SLC13A1: variants seen among roughly 807,000 people sequenced by gnomAD.
SLC13A1 encodes solute carrier family 13 member 1.
A neutral mutation model predicts 70.0 loss-of-function variants in SLC13A1; 65 were observed. The ratio of observed to expected loss-of-function variants is 0.93; its 90% confidence interval spans 0.76 to 1.14. The LOEUF (loss-of-function observed/expected upper bound fraction) is 1.14. Among genes scored for constraint, SLC13A1 ranks in the 50% most tolerant of loss-of-function variants. The pLI is 0.00. For synonymous variants in SLC13A1, 275 were observed against 250.5 expected, an observed-to-expected ratio of 1.10 and a Z score of -0.92; for missense variants, 726 against 717.8, an observed-to-expected ratio of 1.01 and a Z score of -0.13.
Position 123,169,351 on chromosome 7 carries a change from C to A in SLC13A1, c.366-16G>T. The A allele has an allele frequency of 6.2e-7, 1 of 1,608,666 alleles. No homozygotes were observed. The stretch of plus-strand genomic sequence containing the variant: ...CAGCGTCAGCCTGAAACCAGAGAGC[C>A]ATTATTGTGGAGCTGTGCTCTTAGC... On this transcript the variant is annotated splice_polypyrimidine_tract_variant and intron_variant, in intron 3 of 14. Transcript: ENST00000194130.
chr7:123,152,161 T>C (rs1349901572), intron 6 of SLC13A1, among the ~76,000 whole-genome samples: 1 of 152,156 alleles, frequency 6.6e-6, no homozygotes, highest in East Asian at 1.9e-4. Context: ...AGGAGAGTTC[T>C]GAAATAGGCA....
In SLC13A1 at chr7:123,117,582, A is replaced by C. The variant is rs184864552; in HGVS notation, c.1539T>G (p.Leu513=). The C allele has an allele frequency of 2.4e-4, 393 of 1,611,002 alleles. 2 individuals are homozygous for C. The East Asian group carries it at 8.2e-3, about 34-fold the overall frequency. ...ACAGAGTAGAAGGTATCAGAATATA[A>C]AGAGGGTTCACATGAATGGCTTCGG... ...PLAEAIHVNP[L]YILIPSTLCT... is the part of the protein sequence containing the mutation. The change falls in exon 14 of 15, where the codon CTT becomes CTG. Residue 513 remains leucine, a synonymous_variant. Coordinates refer to ENST00000194130, the MANE Select transcript of SLC13A1 (RefSeq NM_022444.4).
chr7:123,197,444 T>C (rs917720375), intron 1 of SLC13A1, among the ~76,000 whole-genome samples: 1 of 152,138 alleles, frequency 6.6e-6, no homozygotes, highest in Non-Finnish European at 1.5e-5. Flanking sequence ...TAAATTGACT[T>C]GCATTTATGT....
rs1391500898 is a variant in SLC13A1, at chr7:123,129,319, CT to C, written c.1031+63del. ...CTTGCAGTGTAAACAGCATTTCTCT[CT>C]TCTCTGTGTGTGTGTGTGTGTGTGT... On this transcript the variant is annotated intron_variant, in intron 9 of 14. Coordinates refer to ENST00000194130, the MANE Select transcript of SLC13A1 (RefSeq NM_022444.4). The C allele has an allele frequency of 4.3e-6, 5 of 1,174,752 alleles. No individual in the cohort carries two copies. In the Admixed American group the frequency reaches 7.7e-5, roughly 18 times the overall value. The allele number at this position is 1,174,752 out of a possible 1,614,324, so 72.8% of individuals were successfully genotyped here. A position where few individuals can be genotyped will look rare whatever the true frequency, so the allele number is the denominator to read the frequency against.
intron 7 of SLC13A1, 81 bp from the exon 8 acceptor site, chr7:123,134,610 C>T: frequency 7.5e-7 from 1 of 1,329,122 alleles, no homozygotes; most frequent in Non-Finnish European, 1.0e-6. Flanking sequence ...AGCAGCAGTC[C>T]ACCTCTTTCC....
chr7:123,191,287 C>G (rs980046238), intron 1 of SLC13A1, among the ~76,000 whole-genome samples: 1 of 152,156 alleles, frequency 6.6e-6, no homozygotes, highest in Non-Finnish European at 1.5e-5. Flanking sequence ...TGTGAGCCAT[C>G]ATAGCCAGCG....
chr7:123,168,023 C>T (rs1358811669), intron 6 of SLC13A1, among the ~76,000 whole-genome samples: 1 of 152,010 alleles, frequency 6.6e-6, no homozygotes, highest in Non-Finnish European at 1.5e-5. Flanking sequence ...TACAAACCTG[C>T]ACATGTACCC....
At position 123,114,722 on chromosome 7, in the gene SLC13A1, C is replaced by T. The variant is rs1371003138; in HGVS notation, c.*796G>A. 4 of 152,128 alleles carry T rather than the reference C, an allele frequency of 2.6e-5. No individual in the cohort carries two copies. Among genetic ancestry groups the T allele is most frequent in the Non-Finnish European group, 4.4e-5 (3 of 67,994 alleles). 9.4% of individuals were successfully genotyped at this position (152,128 alleles called of 1,614,324 possible). A position where few individuals can be genotyped will look rare whatever the true frequency, so the allele number is the denominator to read the frequency against. On this transcript the variant is annotated 3_prime_UTR_variant, in exon 15 of 15. Coordinates refer to ENST00000194130, the MANE Select transcript of SLC13A1 (RefSeq NM_022444.4). ...ATGTTAATAGTTTTATAGTGTTCAG[C>T]TTTCCTTTCTAACTATACTGTACTA...
chr7:123,136,953 G>A (rs928022304), intron 7 of SLC13A1, among the ~76,000 whole-genome samples: 7 of 152,142 alleles, frequency 4.6e-5, no homozygotes, highest in African/African-American at 1.7e-4. Context: ...TGGAGAGATA[G>A]GAGGCCACTG....
At chr7:123,120,248 A>C (rs962638421) in intron 12 of SLC13A1, among the ~76,000 whole-genome samples, 6 of 151,988 alleles carry the variant, frequency 3.9e-5, no homozygotes, top group African/African-American at 1.2e-4. Context: ...TTGGGGGAGC[A>C]CTTCCTTCTA....
intron 11 of SLC13A1, among the ~76,000 whole-genome samples, chr7:123,123,804 G>T (rs143299326): frequency 6.6e-6 from 1 of 152,202 alleles, no homozygotes; most frequent in East Asian, 1.9e-4. Flanking sequence ...CTTATAAAAG[G>T]ATTATCATAA....
intron 6 of SLC13A1, among the ~76,000 whole-genome samples, chr7:123,156,784 G>A (rs1442546768): frequency 6.6e-6 from 1 of 152,006 alleles, no homozygotes; most frequent in Non-Finnish European, 1.5e-5. Context: ...CCTATCAGGA[G>A]CTCAAGTCCT....
chr7:123,151,402 A>G, intron 6 of SLC13A1, among the ~76,000 whole-genome samples: 1 of 150,334 alleles, frequency 6.7e-6, no homozygotes, highest in Middle Eastern at 3.5e-3. Context: ...ATATATATAT[A>G]TGTATATGTA....
intron 1 of SLC13A1, among the ~76,000 whole-genome samples, chr7:123,189,602 A>C (rs1190716353): frequency 6.6e-6 from 1 of 152,160 alleles, no homozygotes; most frequent in Non-Finnish European, 1.5e-5. Context: ...TTCAAATTAC[A>C]CAGAATCTAT....
rs150733590 is a variant in SLC13A1 at position 123,177,362 on chromosome 7, C to A, written c.228+3611G>T. On this transcript the variant is annotated intron_variant, in intron 2 of 14. Coordinates refer to ENST00000194130, the MANE Select transcript of SLC13A1 (RefSeq NM_022444.4). Reference sequence around the variant, plus strand: ...GGTCTCTCACCTACTGCAGTAACCTCCTACCTGTCTCTTTCTTTCTGTCTT... The same window carrying A: ...GGTCTCTCACCTACTGCAGTAACCTACTACCTGTCTCTTTCTTTCTGTCTT... Among the ~76,000 whole-genome samples the A allele has an allele frequency of 8.4e-3, 1,273 of 152,258 alleles. 19 individuals are homozygous for A. Among genetic ancestry groups the A allele is most frequent in the African/African-American group, 0.028 (1,182 of 41,560 alleles).
chr7:123,163,514 C>T (rs1169900508), intron 6 of SLC13A1, among the ~76,000 whole-genome samples: 3 of 152,038 alleles, frequency 2.0e-5, no homozygotes, highest in African/African-American at 2.4e-5. Flanking sequence ...ACTAAATATC[C>T]ATCATCTTCA....
intron 11 of SLC13A1, among the ~76,000 whole-genome samples, chr7:123,123,516 A>G (rs1793458916): frequency 6.6e-6 from 1 of 152,172 alleles, no homozygotes; most frequent in Non-Finnish European, 1.5e-5. Flanking sequence ...GTACTCATTC[A>G]TTCACTCACT....
chr7:123,167,626 T>C (rs1343905), intron 6 of SLC13A1, among the ~76,000 whole-genome samples: 41,516 of 151,916 alleles, frequency 0.27, 5,798 homozygotes, highest in East Asian at 0.32. Context: ...TGCAATCTAG[T>C]ATAGTATTTT....
intron 11 of SLC13A1, among the ~76,000 whole-genome samples, chr7:123,123,608 A>G (rs1469813906): frequency 6.6e-6 from 1 of 152,160 alleles, no homozygotes; most frequent in Non-Finnish European, 1.5e-5. Context: ...GCTATGCAAA[A>G]TGTCCATAAT....
Sources: allele counts gnomAD v4.1 joint callset (sites outside exome capture counted in the v4.1 genomes callset), GRCh38; gene constraint gnomAD v4.1.1; transcripts MANE v1.5; gene names NCBI Gene and HGNC (gene_info 2026-07-23, HGNC 2026-07-21).